The following DCC variants were observed in gnomAD, a reference collection of about 807,000 sequenced individuals.
The protein encoded by DCC is netrin receptor DCC.
A neutral mutation model predicts 172.5 loss-of-function variants in DCC; 58 were observed. The ratio of observed to expected loss-of-function variants is 0.34; its 90% CI spans 0.27 to 0.42. The LOEUF (loss-of-function observed/expected upper bound fraction) is 0.42. DCC is among the 10% of genes least tolerant of loss of function. DCC has a pLI of 1.00. For synonymous variants in DCC, 709 were observed against 644.5 expected (o/e 1.10, Z -1.52); for missense variants, 1,740 against 1,791.0 (o/e 0.97, Z 0.51).
intron 1 of DCC, among the ~76,000 whole-genome samples, chr18:52,720,261 G>T (rs915581555): frequency 6.6e-6 from 1 of 152,132 alleles, no homozygotes; most frequent in Non-Finnish European, 1.5e-5. Flanking sequence ...TGATGAAATA[G>T]AACTAATTTT....
intron 24 of DCC, among the ~76,000 whole-genome samples, chr18:53,463,648 T>C (rs2045585594): frequency 6.6e-6 from 1 of 152,162 alleles, no homozygotes; most frequent in South Asian, 2.1e-4. Flanking sequence ...TCTTTTCATA[T>C]AGTAAATGAA....
In DCC at chr18:52,566,871, T is replaced by C. The variant is rs141671910; in HGVS notation, c.92-185183T>C. On this transcript the variant is annotated intron_variant, in intron 1 of 28. Coordinates refer to ENST00000442544, the MANE Select transcript of DCC (RefSeq NM_005215.4). ...TGGATTCAACCTAGCTTGGATACAT[T>C]TGACAACTATATGACGTACCATAAA... Among the ~76,000 whole-genome samples, 1,353 of 152,118 alleles carry C rather than the reference T, an allele frequency of 8.9e-3. 12 individuals are homozygous for C. The highest frequency in any genetic ancestry group is 0.02 in the Middle Eastern group (6 of 294).
intron 13 of DCC, among the ~76,000 whole-genome samples, chr18:53,321,053 T>C (rs1196915233): frequency 6.6e-6 from 1 of 152,214 alleles, no homozygotes; most frequent in East Asian, 1.9e-4. Flanking sequence ...CTATTAGTAG[T>C]AAGTTTGAAT....
At chr18:53,305,941 C>T (rs1465895431) in intron 13 of DCC, among the ~76,000 whole-genome samples, 4 of 152,130 alleles carry the variant, frequency 2.6e-5, no homozygotes, top group African/African-American at 7.2e-5. Context: ...ATACATGTAT[C>T]ATAAAATTTT....
At chr18:53,362,472 G>A (rs555351169) in intron 15 of DCC, among the ~76,000 whole-genome samples, 2 of 152,238 alleles carry the variant, frequency 1.3e-5, no homozygotes, top group African/African-American at 2.4e-5. Context: ...TTACTTAAAC[G>A]CTGTGTCCTG....
chr18:52,486,846 A>T (rs1002114167), intron 1 of DCC, among the ~76,000 whole-genome samples: 2 of 152,126 alleles, frequency 1.3e-5, no homozygotes, highest in Non-Finnish European at 2.9e-5. Context: ...CAAGTGAATC[A>T]AAGCAAAATG....
At chr18:52,917,999 G>A (rs1335387169) in intron 3 of DCC, among the ~76,000 whole-genome samples, 3 of 151,942 alleles carry the variant, frequency 2.0e-5, no homozygotes, top group Non-Finnish European at 2.9e-5. Flanking sequence ...TTTTCTGCTG[G>A]CTTGAATAAA....
chr18:52,812,215 C>T (rs1374007509), intron 2 of DCC, among the ~76,000 whole-genome samples: 1 of 152,176 alleles, frequency 6.6e-6, no homozygotes, highest in Non-Finnish European at 1.5e-5. Flanking sequence ...TTCACCTCAG[C>T]TACCCTTTCT....
intron 2 of DCC, among the ~76,000 whole-genome samples, chr18:52,757,867 T>C (rs1042373397): frequency 8.5e-5 from 13 of 152,108 alleles, no homozygotes; most frequent in African/African-American, 2.9e-4. Flanking sequence ...TGGCCAGAGA[T>C]TGGGACTTAG....
intron 1 of DCC, among the ~76,000 whole-genome samples, chr18:52,428,916 C>T (rs1987530010): frequency 6.6e-6 from 1 of 151,974 alleles, no homozygotes. Context: ...TAATAGACTG[C>T]CTTTAAAATA....
intron 2 of DCC, among the ~76,000 whole-genome samples, chr18:52,870,728 G>C (rs942707048): frequency 8.6e-5 from 11 of 128,470 alleles, no homozygotes; most frequent in African/African-American, 3.4e-4. Context: ...AAATAGGACA[G>C]CTTAGGTTCA....
intron 1 of DCC, among the ~76,000 whole-genome samples, chr18:52,664,706 C>T (rs936374574): frequency 7.9e-5 from 12 of 151,776 alleles, no homozygotes; most frequent in Non-Finnish European, 1.6e-4. Context: ...CTCCTGACCT[C>T]GTGATCCGCC....
intron 5 of DCC, among the ~76,000 whole-genome samples, chr18:52,954,561 T>A (rs189262073): frequency 1.3e-5 from 2 of 152,182 alleles, no homozygotes; most frequent in Non-Finnish European, 2.9e-5. Flanking sequence ...CAGAGAAGCG[T>A]AGGGAAATAT....
intron 1 of DCC, among the ~76,000 whole-genome samples, chr18:52,513,471 T>C (rs961273564): frequency 6.6e-6 from 1 of 152,234 alleles, no homozygotes; most frequent in Non-Finnish European, 1.5e-5. Flanking sequence ...TACTGGCTTA[T>C]GTTAAGCATT....
At chr18:52,853,731 G>T (rs2039011171) in intron 2 of DCC, among the ~76,000 whole-genome samples, 1 of 152,174 alleles carries the variant, frequency 6.6e-6, no homozygotes, top group Non-Finnish European at 1.5e-5. Flanking sequence ...GGCTCTCACT[G>T]TTCCTAGGTC....
At chr18:53,203,831 T>C (rs2055582209) in intron 9 of DCC, among the ~76,000 whole-genome samples, 1 of 152,218 alleles carries the variant, frequency 6.6e-6, no homozygotes, top group Non-Finnish European at 1.5e-5. Flanking sequence ...GGAATGGTGG[T>C]ATCATTTGTT....
At chr18:52,631,707 A>G (rs2034678602) in intron 1 of DCC, among the ~76,000 whole-genome samples, 1 of 152,112 alleles carries the variant, frequency 6.6e-6, no homozygotes, top group African/African-American at 2.4e-5. Flanking sequence ...AGGGTGGTTG[A>G]CTTGTTTTTT....
intron 2 of DCC, among the ~76,000 whole-genome samples, chr18:52,895,817 C>T (rs2039720281): frequency 6.6e-6 from 1 of 152,074 alleles, no homozygotes; most frequent in African/African-American, 2.4e-5. Context: ...CAGACTGTTG[C>T]TGTGTTGCCC....
At chr18:53,431,830 A>G (rs1375180755) in intron 21 of DCC, among the ~76,000 whole-genome samples, 1 of 152,138 alleles carries the variant, frequency 6.6e-6, no homozygotes, top group South Asian at 2.1e-4. Flanking sequence ...TGTATTATTC[A>G]TATAAAAAGG....
Sources: allele counts gnomAD v4.1 joint callset (sites outside exome capture counted in the v4.1 genomes callset), GRCh38; gene constraint gnomAD v4.1.1; transcripts MANE v1.5; gene names NCBI Gene and HGNC (gene_info 2026-07-23, HGNC 2026-07-21).